SLC1A2: variants seen among roughly 807,000 people sequenced by gnomAD.
SLC1A2 encodes excitatory amino acid transporter 2.
Under a neutral mutation model 48.8 loss-of-function variants are expected in SLC1A2, and 15 were observed. That is an observed-to-expected ratio of 0.31 (90% confidence interval 0.21 to 0.47). SLC1A2 has a LOEUF of 0.47. SLC1A2 is among the 20% of genes least tolerant of loss of function. The pLI, the probability that SLC1A2 is intolerant of heterozygous loss-of-function variation, is 0.99. For missense variants in SLC1A2, 502 were observed against 730.5 expected (o/e 0.69, Z 3.61); for synonymous variants, 279 against 272.6 (o/e 1.02, Z -0.23).
chr11:35,416,408 T>C (rs1406234729), intron 1 of SLC1A2, among the ~76,000 whole-genome samples: 2 of 152,242 alleles, frequency 1.3e-5, no homozygotes, highest in African/African-American at 4.8e-5. Flanking sequence ...CTATTTTTGT[T>C]GGACTGCCTA....
chr11:35,373,166 A>G (rs1854112797), intron 1 of SLC1A2, among the ~76,000 whole-genome samples: 1 of 152,222 alleles, frequency 6.6e-6, no homozygotes, highest in East Asian at 1.9e-4. Context: ...GTGACTTGAT[A>G]AAGCCTGGAG....
At chr11:35,321,068 G>A (rs1852048221) in intron 1 of SLC1A2, among the ~76,000 whole-genome samples, 1 of 152,172 alleles carries the variant, frequency 6.6e-6, no homozygotes, top group Non-Finnish European at 1.5e-5. Flanking sequence ...GGAAGGGGAA[G>A]AGAACGTGTC....
chr11:35,380,986 A>G (rs892135079), intron 1 of SLC1A2, among the ~76,000 whole-genome samples: 2 of 152,240 alleles, frequency 1.3e-5, no homozygotes, highest in African/African-American at 2.4e-5. Flanking sequence ...AGGAAAAGAA[A>G]AGAAAACTCC....
intron 1 of SLC1A2, among the ~76,000 whole-genome samples, chr11:35,400,540 C>T (rs1855102318): frequency 6.6e-6 from 1 of 152,152 alleles, no homozygotes; most frequent in African/African-American, 2.4e-5. Flanking sequence ...ATGCTTGTGT[C>T]TAATTAGTAT....
intron 7 of SLC1A2, chr11:35,291,901 T>C (rs1327003905): frequency 5.5e-6 from 1 of 183,486 alleles, no homozygotes. Context: ...CAAAGAGTAA[T>C]ATTTTGTGAT....
In SLC1A2 at chr11:35,324,387, G is replaced by A. The variant is rs1852172900; in HGVS notation, c.18-6871C>T. ...TTCTTGGTTAAAATGTCTCTTTTCT[G>A]GCAGTGGCTGAGACAAGACATTTAG... On this transcript the variant is annotated intron_variant, in intron 1 of 10. Transcript: ENST00000278379. Among the ~76,000 whole-genome samples, 7 of 152,200 alleles carry A rather than the reference G, an allele frequency of 4.6e-5. No homozygotes were observed. The South Asian group carries it at 1.5e-3, about 32-fold the overall frequency.
At chr11:35,408,550 G>A (rs1452137413) in intron 1 of SLC1A2, among the ~76,000 whole-genome samples, 2 of 152,160 alleles carry the variant, frequency 1.3e-5, no homozygotes, top group African/African-American at 4.8e-5. Flanking sequence ...ATGAATCGGA[G>A]GCCTCCTCAG....
chr11:35,348,496 G>A (rs1222409387), intron 1 of SLC1A2, among the ~76,000 whole-genome samples: 1 of 152,146 alleles, frequency 6.6e-6, no homozygotes, highest in Non-Finnish European at 1.5e-5. Context: ...TGGGAGGAAA[G>A]CAAACAGGTG....
At position 35,252,325 on chromosome 11, in the gene SLC1A2, C is replaced by T. The variant is rs1950249614; in HGVS notation, c.*8569G>A. ...AGAGAGGCTGACCTTTCTCTAAAGA[C>T]ATGATGCTAATATGCACAGAGTCAG... On this transcript the variant is annotated 3_prime_UTR_variant, in exon 11 of 11. Coordinates refer to ENST00000278379, the MANE Select transcript of SLC1A2 (RefSeq NM_004171.4). 6.6e-6 allele frequency: 1 copy of T among 152,322 alleles called. No homozygotes were observed. Among genetic ancestry groups the T allele is most frequent in the Non-Finnish European group, 1.5e-5 (1 of 68,018 alleles). The allele number at this position is 152,322 out of a possible 1,614,324, so 9.4% of individuals were successfully genotyped here.
At chr11:35,261,349 T>C (rs887073870) in intron 10 of SLC1A2, among the ~76,000 whole-genome samples, 9 of 152,180 alleles carry the variant, frequency 5.9e-5, no homozygotes, top group African/African-American at 1.7e-4. Flanking sequence ...AGGTATCTAG[T>C]TCTACTCATG....
intron 9 of SLC1A2, among the ~76,000 whole-genome samples, chr11:35,273,637 C>T (rs1357670804): frequency 6.6e-6 from 1 of 152,208 alleles, no homozygotes; most frequent in African/African-American, 2.4e-5. Context: ...TTCCTCCCTA[C>T]ACCTTATCCA....
intron 6 of SLC1A2, among the ~76,000 whole-genome samples, chr11:35,295,759 C>T (rs192905432): frequency 6.6e-6 from 1 of 152,300 alleles, no homozygotes; most frequent in Admixed American, 6.5e-5. Context: ...CCATTCTAGC[C>T]TCCACCTACT....
chr11:35,374,388 T>G, intron 1 of SLC1A2: 1 of 668,592 alleles, frequency 1.5e-6, no homozygotes, highest in Non-Finnish European at 2.6e-6. Flanking sequence ...AGACCTGGCC[T>G]CCCTAGATCT....
chr11:35,376,974 C>T (rs572374869), intron 1 of SLC1A2, among the ~76,000 whole-genome samples: 1 of 152,332 alleles, frequency 6.6e-6, no homozygotes, highest in South Asian at 2.1e-4. Context: ...AGAAATGCAG[C>T]TGGTACTATA....
chr11:35,352,903 G>A (rs1853315304), intron 1 of SLC1A2, among the ~76,000 whole-genome samples: 1 of 152,146 alleles, frequency 6.6e-6, no homozygotes, highest in Non-Finnish European at 1.5e-5. Context: ...CATGTGCCTG[G>A]GCAGCAGAGA....
intron 1 of SLC1A2, among the ~76,000 whole-genome samples, chr11:35,318,092 G>A (rs4756210): frequency 6.6e-6 from 1 of 152,008 alleles, no homozygotes; most frequent in African/African-American, 2.4e-5. Context: ...ACCTATTGTG[G>A]CTTTTAAAAG....
At chr11:35,380,271 T>C (rs1222442171) in intron 1 of SLC1A2, 2 of 397,994 alleles carry the variant, frequency 5.0e-6, no homozygotes, top group East Asian at 3.6e-5. Context: ...AACACCCTGA[T>C]GCTCTGGGTG....
At chr11:35,384,984 T>C (rs186780261) in intron 1 of SLC1A2, among the ~76,000 whole-genome samples, 19 of 152,304 alleles carry the variant, frequency 1.2e-4, no homozygotes, top group Non-Finnish European at 2.4e-4. Context: ...AGGCAGTTGG[T>C]TAAATTTCCC....
intron 1 of SLC1A2, among the ~76,000 whole-genome samples, chr11:35,368,096 A>T (rs746802708): frequency 2.0e-5 from 3 of 152,226 alleles, no homozygotes; most frequent in Non-Finnish European, 2.9e-5. Context: ...AAAAGAATTT[A>T]AAAAGGAATA....
Sources: allele counts gnomAD v4.1 joint callset (sites outside exome capture counted in the v4.1 genomes callset), GRCh38; gene constraint gnomAD v4.1.1; transcripts MANE v1.5; gene names NCBI Gene and HGNC (gene_info 2026-07-23, HGNC 2026-07-21).